The following ADGRB3 variants were observed in gnomAD, a reference collection of about 807,000 sequenced individuals.
ADGRB3 encodes adhesion G protein-coupled receptor B3.
Under a neutral mutation model 193.4 loss-of-function variants are expected in ADGRB3, and 37 were observed. The ratio of observed to expected loss-of-function variants is 0.19; its 90% CI spans 0.15 to 0.25. The LOEUF (loss-of-function observed/expected upper bound fraction) is 0.25, where lower values mean the gene tolerates loss of function less well. ADGRB3 is among the 10% of genes least tolerant of loss of function. ADGRB3 has a pLI of 1.00. For missense variants in ADGRB3, 1,637 were observed against 1,852.9 expected, an observed-to-expected ratio of 0.88 and a Z score of 2.14; for synonymous variants, 690 against 644.2, an observed-to-expected ratio of 1.07 and a Z score of -1.08.
intron 17 of ADGRB3, among the ~76,000 whole-genome samples, chr6:69,232,090 C>T (rs1385827344): frequency 6.6e-6 from 1 of 152,144 alleles, no homozygotes; most frequent in Non-Finnish European, 1.5e-5. Flanking sequence ...GTGTTTTTCT[C>T]TTAGAGTTTT....
chr6:69,324,519 A>C (rs1768526976), intron 20 of ADGRB3, among the ~76,000 whole-genome samples: 1 of 152,204 alleles, frequency 6.6e-6, no homozygotes, highest in African/African-American at 2.4e-5. Flanking sequence ...TAATTATGCA[A>C]GATGTCTGTA....
intron 1 of ADGRB3, among the ~76,000 whole-genome samples, chr6:68,636,477 T>TAAATAAATAAAA (rs1554162486): frequency 4.9e-4 from 71 of 144,760 alleles, no homozygotes; most frequent in African/African-American, 1.6e-3. Flanking sequence ...AATAAATAAA[T>TAAATAAATAAAA]AAAACATCCT....
At chr6:68,788,360 G>A (rs1767021614) in intron 3 of ADGRB3, among the ~76,000 whole-genome samples, 1 of 151,894 alleles carries the variant, frequency 6.6e-6, no homozygotes, top group East Asian at 1.9e-4. Flanking sequence ...TTGTGTCTTT[G>A]TTCTCGTTGG....
intron 5 of ADGRB3, among the ~76,000 whole-genome samples, chr6:68,938,773 G>C (rs1266118993): frequency 6.6e-6 from 1 of 152,086 alleles, no homozygotes; most frequent in Non-Finnish European, 1.5e-5. Flanking sequence ...ACTTAAAACT[G>C]TTCCCTACTT....
At chr6:68,839,354 A>G (rs933711512) in intron 3 of ADGRB3, among the ~76,000 whole-genome samples, 3 of 152,216 alleles carry the variant, frequency 2.0e-5, no homozygotes, top group African/African-American at 7.2e-5. Context: ...ACTTCAAAAT[A>G]CATAGCTTCT....
At chr6:69,112,189 C>T (rs926958276) in intron 17 of ADGRB3, among the ~76,000 whole-genome samples, 1 of 152,158 alleles carries the variant, frequency 6.6e-6, no homozygotes, top group Non-Finnish European at 1.5e-5. Context: ...GCACGCCCCA[C>T]CCAATGGCTG....
intron 3 of ADGRB3, among the ~76,000 whole-genome samples, chr6:68,786,638 C>T (rs576423977): frequency 1.3e-5 from 2 of 152,040 alleles, no homozygotes; most frequent in African/African-American, 2.4e-5. Context: ...GTGATGCAGG[C>T]TCTTTTTTGG....
At chr6:68,807,234 T>TC (rs1767420265) in intron 3 of ADGRB3, among the ~76,000 whole-genome samples, 3 of 93,970 alleles carry the variant, frequency 3.2e-5, no homozygotes, top group African/African-American at 8.0e-5. Flanking sequence ...TTTTCTTTTT[T>TC]CTTTTTTTTT....
At chr6:69,043,334 G>GAAAGAAAGAA (rs1554252122) in intron 13 of ADGRB3, among the ~76,000 whole-genome samples, 13 of 110,104 alleles carry the variant, frequency 1.2e-4, no homozygotes, top group Non-Finnish European at 2.3e-4. Flanking sequence ...GAAAGAAAGA[G>GAAAGAAAGAA]AAAGAAAAGA....
intron 24 of ADGRB3, among the ~76,000 whole-genome samples, chr6:69,337,164 T>A (rs900744549): frequency 4.6e-5 from 7 of 152,284 alleles, no homozygotes; most frequent in African/African-American, 1.7e-4. Context: ...TAGTAATATT[T>A]GGCTTTCGAT....
In ADGRB3 at chr6:69,278,775, G is replaced by T. The variant is rs540033262; in HGVS notation, c.2814+39549G>T. 4.0e-5 allele frequency among the ~76,000 whole-genome samples: 6 copies of T among 151,868 alleles called. No homozygotes were observed. In the East Asian group the frequency reaches 1.2e-3, roughly 29 times the overall value. ...CTGATTTGGTCTCAGTTTTGTTTTTGTTTTTGTTTTCTGTAAATTGGGAGT... is the reference window on the plus strand; with the variant it reads ...CTGATTTGGTCTCAGTTTTGTTTTTTTTTTTGTTTTCTGTAAATTGGGAGT... On this transcript the variant is annotated intron_variant, in intron 20 of 31. Transcript: ENST00000370598.
intron 13 of ADGRB3, among the ~76,000 whole-genome samples, chr6:69,033,947 A>G (rs1420256294): frequency 6.6e-6 from 1 of 152,102 alleles, no homozygotes; most frequent in Non-Finnish European, 1.5e-5. Flanking sequence ...AACTGTTCAC[A>G]AGGGAGTGAT....
chr6:69,343,845 T>C (rs1761303362), intron 26 of ADGRB3, among the ~76,000 whole-genome samples: 1 of 152,192 alleles, frequency 6.6e-6, no homozygotes, highest in African/African-American at 2.4e-5. Flanking sequence ...CAGAATTGAA[T>C]ACAATGAGTA....
At chr6:69,007,035 T>C (rs567052013) in intron 11 of ADGRB3, among the ~76,000 whole-genome samples, 231 of 152,254 alleles carry the variant, frequency 1.5e-3, no homozygotes, top group African/African-American at 5.4e-3. Flanking sequence ...TTCTTAGCTA[T>C]GTTGTTGATC....
At chr6:68,897,654 G>A (rs1582295184) in intron 3 of ADGRB3, among the ~76,000 whole-genome samples, 1 of 128,780 alleles carries the variant, frequency 7.8e-6, no homozygotes, top group Admixed American at 8.1e-5. Context: ...GGGAAGGAAG[G>A]AACGAAGGAA....
At chr6:69,145,562 C>T (rs1206735281) in intron 17 of ADGRB3, among the ~76,000 whole-genome samples, 1 of 152,182 alleles carries the variant, frequency 6.6e-6, no homozygotes, top group South Asian at 2.1e-4. Flanking sequence ...TGTTACAGCT[C>T]TTTCAGCCCT....
intron 16 of ADGRB3, among the ~76,000 whole-genome samples, chr6:69,065,989 G>T (rs1273956866): frequency 1.3e-5 from 2 of 151,896 alleles, no homozygotes; most frequent in African/African-American, 2.4e-5. Context: ...AAGCAATTTA[G>T]AGATGATTTC....
intron 3 of ADGRB3, among the ~76,000 whole-genome samples, chr6:68,883,684 C>A (rs1475061787): frequency 2.6e-5 from 4 of 152,050 alleles, no homozygotes; most frequent in African/African-American, 9.7e-5. Context: ...CTGAAGCCAG[C>A]GAGACCACGA....
chr6:68,664,929 T>C (rs896673171), intron 3 of ADGRB3, among the ~76,000 whole-genome samples: 10 of 151,958 alleles, frequency 6.6e-5, no homozygotes, highest in Admixed American at 3.9e-4. Flanking sequence ...TTTAGTCTTA[T>C]ACACATTCTT....
Sources: gnomAD v4.1 joint callset for allele counts (sites outside exome capture counted in the v4.1 genomes callset) on GRCh38, gnomAD v4.1.1 for gene constraint, MANE v1.5 for transcripts, NCBI Gene and HGNC (gene_info 2026-07-23, HGNC 2026-07-21) for gene names.